PAG1: variants seen among roughly 807,000 people sequenced by gnomAD.
PAG1 encodes phosphoprotein membrane anchor with glycosphingolipid microdomains 1.
A neutral mutation model predicts 31.7 loss-of-function variants in PAG1; 23 were observed. The ratio of observed to expected loss-of-function variants is 0.73; its 90% confidence interval spans 0.52 to 1.03. The LOEUF (loss-of-function observed/expected upper bound fraction) is 1.03, where lower values mean the gene tolerates loss of function less well. PAG1 is among the 50% of genes least tolerant of loss of function. PAG1 has a pLI of 0.00. For synonymous variants in PAG1, 214 were observed against 210.3 expected (o/e 1.02, Z -0.15); for missense variants, 473 against 540.7 (o/e 0.87, Z 1.24).
chr8:81,104,982 G>T (rs572908712), intron 1 of PAG1, among the ~76,000 whole-genome samples: 1 of 152,142 alleles, frequency 6.6e-6, no homozygotes, highest in African/African-American at 2.4e-5. Context: ...CAGCCACATG[G>T]AATGACCAGC....
chr8:81,064,377 C>G (rs1458779154), intron 2 of PAG1, among the ~76,000 whole-genome samples: 1 of 152,204 alleles, frequency 6.6e-6, no homozygotes. Flanking sequence ...GCTGTGTGGC[C>G]TGGTTCCTGC....
chr8:81,095,095 G>A (rs1809504226), intron 1 of PAG1, among the ~76,000 whole-genome samples: 1 of 152,218 alleles, frequency 6.6e-6, no homozygotes, highest in East Asian at 1.9e-4. Context: ...TTTTAATGAA[G>A]TCTTCGATGC....
intron 1 of PAG1, among the ~76,000 whole-genome samples, chr8:81,105,246 T>C (rs1023328797): frequency 6.6e-6 from 1 of 152,164 alleles, no homozygotes; most frequent in Non-Finnish European, 1.5e-5. Flanking sequence ...GAATCTGAGA[T>C]TCTTGAGGGC....
At chr8:81,021,896 A>G (rs1469579610) in intron 3 of PAG1, among the ~76,000 whole-genome samples, 1 of 152,220 alleles carries the variant, frequency 6.6e-6, no homozygotes, top group Non-Finnish European at 1.5e-5. Flanking sequence ...AACGCAGAAG[A>G]AAGAAAAAAC....
At chr8:81,100,307 T>C (rs1231672219) in intron 1 of PAG1, among the ~76,000 whole-genome samples, 2 of 152,232 alleles carry the variant, frequency 1.3e-5, no homozygotes, top group African/African-American at 2.4e-5. Flanking sequence ...TTACATTATA[T>C]GCAATGATTT....
At chr8:81,099,330 T>A (rs1809574419) in intron 1 of PAG1, among the ~76,000 whole-genome samples, 1 of 152,234 alleles carries the variant, frequency 6.6e-6, no homozygotes, top group East Asian at 1.9e-4. Context: ...ATGCTTTCTA[T>A]AACATTATTT....
At chr8:81,010,573 A>G (rs1366121965) in intron 3 of PAG1, among the ~76,000 whole-genome samples, 1 of 152,220 alleles carries the variant, frequency 6.6e-6, no homozygotes, top group African/African-American at 2.4e-5. Context: ...AGCTGATCCA[A>G]AATACATTTC....
intron 7 of PAG1, 76 bp from the exon 8 acceptor site, chr8:80,980,570 A>C (rs1807279485): frequency 1.1e-6 from 1 of 931,722 alleles, no homozygotes; most frequent in Admixed American, 1.9e-5. Flanking sequence ...ATGTTTCCTC[A>C]TAATCTGTCT....
intron 1 of PAG1, among the ~76,000 whole-genome samples, chr8:81,098,214 G>A (rs990843061): frequency 6.6e-6 from 1 of 152,162 alleles, no homozygotes; most frequent in African/African-American, 2.4e-5. Flanking sequence ...TAAAACAGAC[G>A]TGAAATTTAT....
At chr8:81,080,685 A>G (rs73279994) in intron 1 of PAG1, among the ~76,000 whole-genome samples, 3,049 of 152,238 alleles carry the variant, frequency 0.02, 59 homozygotes, top group South Asian at 0.039. Context: ...AGAAGCCTGG[A>G]TTTTTACATA....
At chr8:80,991,422 T>C (rs1271705618) in intron 5 of PAG1, 57 bp downstream of exon 5, 12 of 1,319,246 alleles carry the variant, frequency 9.1e-6, no homozygotes, top group Admixed American at 1.7e-5. Flanking sequence ...CTTAGATAAG[T>C]AGCTGATGTT....
chr8:81,085,048 C>T (rs1470598759), intron 1 of PAG1, among the ~76,000 whole-genome samples: 3 of 152,066 alleles, frequency 2.0e-5, no homozygotes, highest in Admixed American at 6.5e-5. Context: ...AATTGATGAA[C>T]GCACTTTAAA....
At chr8:81,082,637 G>C (rs563997345) in intron 1 of PAG1, among the ~76,000 whole-genome samples, 6 of 152,170 alleles carry the variant, frequency 3.9e-5, no homozygotes, top group African/African-American at 1.4e-4. Context: ...AATTTTGATG[G>C]TTCTCTCTTT....
At chr8:81,107,834 C>T (rs549238803) in intron 1 of PAG1, among the ~76,000 whole-genome samples, 2 of 152,314 alleles carry the variant, frequency 1.3e-5, no homozygotes, top group East Asian at 1.9e-4. Context: ...GAACTGCTTG[C>T]GTGTATAACT....
At chr8:81,031,321 T>C (rs1321551914) in intron 2 of PAG1, among the ~76,000 whole-genome samples, 1 of 152,252 alleles carries the variant, frequency 6.6e-6, no homozygotes, top group Non-Finnish European at 1.5e-5. Flanking sequence ...ACTCCAGGTC[T>C]TTCTGCTGTC....
At chr8:81,063,658 C>A (rs368324252) in intron 2 of PAG1, among the ~76,000 whole-genome samples, 1 of 152,076 alleles carries the variant, frequency 6.6e-6, no homozygotes, top group East Asian at 1.9e-4. Context: ...CCATTAATGA[C>A]CAGGTGTTTC....
intron 1 of PAG1, among the ~76,000 whole-genome samples, chr8:81,100,856 T>C (rs1809599292): frequency 6.6e-6 from 1 of 152,226 alleles, no homozygotes; most frequent in Non-Finnish European, 1.5e-5. Context: ...TTAGGAAATG[T>C]GGAGCTGTGG....
chr8:80,996,203 C>T (rs968631965), intron 3 of PAG1, among the ~76,000 whole-genome samples: 4 of 152,228 alleles, frequency 2.6e-5, no homozygotes, highest in East Asian at 1.9e-4. Context: ...TCCCCGTGGT[C>T]GTGGGCAGTG....
At chr8:81,080,884 G>T (rs1384108932) in intron 1 of PAG1, among the ~76,000 whole-genome samples, 1 of 152,140 alleles carries the variant, frequency 6.6e-6, no homozygotes, top group Non-Finnish European at 1.5e-5. Context: ...TCACAGCTAT[G>T]ACTCTGTGAC....
Sources: allele counts gnomAD v4.1 joint callset (sites outside exome capture counted in the v4.1 genomes callset), GRCh38; gene constraint gnomAD v4.1.1; transcripts MANE v1.5; gene names NCBI Gene and HGNC (gene_info 2026-07-23, HGNC 2026-07-21).